RALGAPA2: variants seen among roughly 807,000 people sequenced by gnomAD.
The protein encoded by RALGAPA2 is ral GTPase-activating protein subunit alpha-2.
In RALGAPA2, 139 loss-of-function variants were observed where a neutral mutation model predicts 230.4. The observed-to-expected ratio is 0.60, with a 90% CI of 0.53 to 0.69. The LOEUF (loss-of-function observed/expected upper bound fraction) is 0.69, where lower values mean the gene tolerates loss of function less well. Among genes scored for constraint, RALGAPA2 ranks in the 30% least tolerant of loss-of-function variants. The pLI, the probability that RALGAPA2 is intolerant of heterozygous loss-of-function variation, is 0.00. For missense variants in RALGAPA2, 2,163 were observed against 2,276.0 expected (o/e 0.95, Z 1.01); for synonymous variants, 847 against 837.8 (o/e 1.01, Z -0.19).
At chr20:20,561,037 A>G (rs6046937) in intron 23 of RALGAPA2, among the ~76,000 whole-genome samples, 98 of 152,338 alleles carry the variant, frequency 6.4e-4, no homozygotes, top group African/African-American at 2.1e-3. Context: ...CTTGAGTGCA[A>G]GGCTAGGTAG....
At chr20:20,536,465 C>T (rs958363362) in intron 25 of RALGAPA2, among the ~76,000 whole-genome samples, 191 bp downstream of exon 25, 26 of 152,204 alleles carry the variant, frequency 1.7e-4, no homozygotes, top group African/African-American at 6.3e-4. Flanking sequence ...TAAGGTCTAA[C>T]TGCAATATAC....
intron 30 of RALGAPA2, among the ~76,000 whole-genome samples, chr20:20,522,714 T>G (rs1238528026): frequency 6.6e-6 from 1 of 152,224 alleles, no homozygotes; most frequent in Non-Finnish European, 1.5e-5. Context: ...CATATTATAC[T>G]TCAATAAAAA....
intron 36 of RALGAPA2, among the ~76,000 whole-genome samples, chr20:20,488,443 C>T (rs1371884284): frequency 6.6e-6 from 1 of 152,142 alleles, no homozygotes; most frequent in East Asian, 1.9e-4. Flanking sequence ...TATTGGTTTC[C>T]CAGAGGTTTC....
At chr20:20,519,163 T>A (rs1221125476) in intron 31 of RALGAPA2, among the ~76,000 whole-genome samples, 1 of 152,200 alleles carries the variant, frequency 6.6e-6, no homozygotes, top group Admixed American at 6.5e-5. Context: ...GGTCATTAAA[T>A]CTTAGGTTCA....
At chr20:20,621,124 G>A (rs541364643) in intron 10 of RALGAPA2, among the ~76,000 whole-genome samples, 6 of 147,958 alleles carry the variant, frequency 4.1e-5, no homozygotes, top group African/African-American at 1.5e-4. Context: ...CTGGGCAACA[G>A]AGCCAGACTC....
Position 20,398,155 on chromosome 20 carries a change from C to T in RALGAPA2, c.5618-1421G>A, listed in dbSNP as rs927421839. On this transcript the variant is annotated intron_variant, in intron 38 of 39. Coordinates refer to ENST00000202677, the MANE Select transcript of RALGAPA2 (RefSeq NM_020343.4). The surrounding 1 kb of genome is among the most constrained non-coding windows in gnomAD (Gnocchi z 4.5). ...GGGTCTTCCTTGAGTTGAGGAAGTTCGGCTTTTAGAGCACCATGCCACTGA... is the reference window on the plus strand; with the variant it reads ...GGGTCTTCCTTGAGTTGAGGAAGTTTGGCTTTTAGAGCACCATGCCACTGA... Among the ~76,000 whole-genome samples, 11 of 152,134 alleles carry T rather than the reference C, an allele frequency of 7.2e-5. No homozygotes were observed. Among genetic ancestry groups the T allele is most frequent in the Admixed American group, 2.6e-4 (4 of 15,278 alleles).
intron 37 of RALGAPA2, among the ~76,000 whole-genome samples, chr20:20,468,672 C>CT (rs2061472693): frequency 6.6e-6 from 1 of 152,006 alleles, no homozygotes; most frequent in African/African-American, 2.4e-5. Context: ...TCCCGTCTTT[C>CT]TTTATCTCTG....
intron 36 of RALGAPA2, among the ~76,000 whole-genome samples, chr20:20,484,345 G>A (rs2061852910): frequency 6.6e-6 from 1 of 152,120 alleles, no homozygotes; most frequent in Admixed American, 6.5e-5. Flanking sequence ...GATGTGGGAA[G>A]GGGAAGGCCA....
At chr20:20,512,242 C>T (rs777812454) in intron 32 of RALGAPA2, among the ~76,000 whole-genome samples, 20 of 116,462 alleles carry the variant, frequency 1.7e-4, no homozygotes, top group Non-Finnish European at 3.1e-4. Context: ...CACACACATA[C>T]ACACACACAC....
intron 23 of RALGAPA2, among the ~76,000 whole-genome samples, chr20:20,567,639 T>C (rs2064475738): frequency 6.6e-6 from 1 of 152,184 alleles, no homozygotes; most frequent in African/African-American, 2.4e-5. Flanking sequence ...ACAGGCTTTT[T>C]AGCCTGTGGC....
At chr20:20,672,519 A>C (rs568477749) in intron 3 of RALGAPA2, among the ~76,000 whole-genome samples, 2 of 152,366 alleles carry the variant, frequency 1.3e-5, no homozygotes, top group South Asian at 4.1e-4. Context: ...CATGAAAAAA[A>C]TCATTGAAAT....
At chr20:20,598,531 G>A in intron 16 of RALGAPA2, 1 of 237,992 alleles carries the variant, frequency 4.2e-6, no homozygotes, top group Non-Finnish European at 8.7e-6. Flanking sequence ...CTACACAAGA[G>A]CAATTACTAG....
In RALGAPA2 at chr20:20,392,374, A is replaced by C. The variant is rs2059618704; in HGVS notation, c.*915T>G. Reference sequence around the variant, plus strand: ...ACAGGAGCAGCAAAGTTGCAGCGTGAGGCTTTTGGAGGCACAAGGCCATTC... The same window carrying C: ...ACAGGAGCAGCAAAGTTGCAGCGTGCGGCTTTTGGAGGCACAAGGCCATTC... On this transcript the variant is annotated 3_prime_UTR_variant, in exon 40 of 40. Coordinates refer to ENST00000202677, the MANE Select transcript of RALGAPA2 (RefSeq NM_020343.4). 6.6e-6 allele frequency: 1 copy of C among 152,240 alleles called. No individual in the cohort carries two copies. The highest frequency in any genetic ancestry group is 2.4e-5 in the African/African-American group (1 of 41,454). The allele number at this position is 152,240 out of a possible 1,614,324, so 9.4% of individuals were successfully genotyped here. A position where few individuals can be genotyped will look rare whatever the true frequency, so the allele number is the denominator to read the frequency against.
At position 20,444,449 on chromosome 20, in the gene RALGAPA2, T is replaced by TACACACACGCACAG. The variant is rs541106438; in HGVS notation, c.5495+28366_5495+28379dup. Among the ~76,000 whole-genome samples the TACACACACGCACAG allele has an allele frequency of 1.1e-3, 168 of 152,074 alleles. 2 individuals carry two copies. The East Asian group carries it at 0.028, about 25-fold the overall frequency. On this transcript the variant is annotated intron_variant, in intron 37 of 39. Coordinates refer to ENST00000202677, the MANE Select transcript of RALGAPA2 (RefSeq NM_020343.4). ...AATTTTAAAACTTTTTATTGACAAATACACACACGCACAGACACACACACA... is the reference window on the plus strand; with the variant it reads ...AATTTTAAAACTTTTTATTGACAAATACACACACGCACAGACACACACGCACAGACACACACACA...
At chr20:20,401,819 T>C (rs2059846693) in intron 38 of RALGAPA2, among the ~76,000 whole-genome samples, 1 of 152,238 alleles carries the variant, frequency 6.6e-6, no homozygotes, top group African/African-American at 2.4e-5. Context: ...ATACTTCCTA[T>C]ATGTGAATTA....
At chr20:20,680,924 A>T (rs2068497333) in intron 1 of RALGAPA2, 123 bp from the exon 2 acceptor site, 1 of 1,425,284 alleles carries the variant, frequency 7.0e-7, no homozygotes, top group Non-Finnish European at 9.2e-7. Flanking sequence ...ACAATACAAA[A>T]CAAAACAGTA....
At chr20:20,697,326 A>G (rs1402215173) in intron 1 of RALGAPA2, among the ~76,000 whole-genome samples, 1 of 152,106 alleles carries the variant, frequency 6.6e-6, no homozygotes, top group Non-Finnish European at 1.5e-5. Context: ...TGAGACCTCC[A>G]TCTCAAAAAA....
chr20:20,561,447 A>T (rs1488159927), intron 23 of RALGAPA2, among the ~76,000 whole-genome samples: 3 of 152,220 alleles, frequency 2.0e-5, no homozygotes, highest in Non-Finnish European at 2.9e-5. Flanking sequence ...TTGCAGATGC[A>T]GGCCACACAA....
In RALGAPA2 at chr20:20,536,705, T is replaced by G; in HGVS notation, c.3365A>C (p.Gln1122Pro). The G allele has an allele frequency of 6.2e-7, 1 of 1,613,150 alleles. No homozygotes were observed. Among genetic ancestry groups the G allele is most frequent in the Non-Finnish European group, 8.5e-7 (1 of 1,179,306 alleles). Reference protein sequence around the residue: ...PNTYQEIPLLQSVPEVNEAIT... With the variant: ...PNTYQEIPLLPSVPEVNEAIT... ...GGCCTCATTTACTTCTGGCACTGAC[T>G]GCAGTAAAGGAATCTCCTGGTAGGT... is the stretch of plus-strand genomic sequence containing the variant. Residue 1122 changes from glutamine to proline, a missense_variant, in exon 25 of 40, where the codon CAG (glutamine) becomes CCG (proline). Physicochemically the swap from Gln to Pro is moderately conservative, Grantham distance 76. Coordinates refer to ENST00000202677, the MANE Select transcript of RALGAPA2 (RefSeq NM_020343.4).
Sources: allele counts gnomAD v4.1 joint callset (sites outside exome capture counted in the v4.1 genomes callset), GRCh38; gene constraint gnomAD v4.1.1; non-coding constraint Gnocchi (gnomAD v3.1); transcripts MANE v1.5; gene names NCBI Gene and HGNC (gene_info 2026-07-23, HGNC 2026-07-21).